Variants in CSMD1 observed in about 807,000 individuals in gnomAD.
CSMD1 encodes the protein CUB and Sushi multiple domains 1.
CSMD1 carries 213 observed loss-of-function variants against 417.5 expected under a neutral mutation model. The ratio of observed to expected loss-of-function variants is 0.51; its 90% CI spans 0.46 to 0.57. CSMD1 has a LOEUF of 0.57. CSMD1 is among the 20% of genes least tolerant of loss of function. CSMD1 has a pLI of 0.00. For synonymous variants in CSMD1, 2,862 were observed against 1,736.8 expected, an observed-to-expected ratio of 1.65 and a Z score of -16.11; for missense variants, 6,923 against 4,529.7, an observed-to-expected ratio of 1.53 and a Z score of -15.17.
chr8:4,162,167 C>T (rs1273336594), intron 3 of CSMD1, among the ~76,000 whole-genome samples: 1 of 152,142 alleles, frequency 6.6e-6, no homozygotes, highest in Non-Finnish European at 1.5e-5. Flanking sequence ...AGTTTCCCTG[C>T]CTGCTTTGCG....
At chr8:3,477,090 A>AC (rs1274496571) in intron 11 of CSMD1, among the ~76,000 whole-genome samples, 1 of 152,234 alleles carries the variant, frequency 6.6e-6, no homozygotes, top group Non-Finnish European at 1.5e-5. Flanking sequence ...CTGTACACAC[A>AC]GAAAGTTCTA....
chr8:3,256,154 C>G (rs1311862809), intron 26 of CSMD1, among the ~76,000 whole-genome samples: 1 of 152,024 alleles, frequency 6.6e-6, no homozygotes, highest in Non-Finnish European at 1.5e-5. Flanking sequence ...ATGGTGAAAC[C>G]TCCTCTGTAC....
intron 5 of CSMD1, among the ~76,000 whole-genome samples, chr8:3,868,073 C>T (rs1421308909): frequency 1.3e-5 from 2 of 152,122 alleles, no homozygotes; most frequent in African/African-American, 2.4e-5. Context: ...ATTGCCATAT[C>T]TCTCATGATG....
intron 3 of CSMD1, among the ~76,000 whole-genome samples, chr8:4,241,743 G>T (rs141073449): frequency 6.8e-6 from 1 of 146,440 alleles, no homozygotes; most frequent in Non-Finnish European, 1.5e-5. Flanking sequence ...TCGCTCTGTC[G>T]CCCAGGCTGG....
intron 1 of CSMD1, among the ~76,000 whole-genome samples, chr8:4,721,340 C>T (rs999063406): frequency 6.6e-6 from 1 of 152,078 alleles, no homozygotes; most frequent in Admixed American, 6.6e-5. Flanking sequence ...AGAACAATCT[C>T]TTTTTATTCT....
At chr8:3,947,171 A>T (rs899870646) in intron 5 of CSMD1, among the ~76,000 whole-genome samples, 15 of 152,196 alleles carry the variant, frequency 9.9e-5, no homozygotes, top group African/African-American at 3.4e-4. Flanking sequence ...ATTTCCATGG[A>T]TGCCCTTTAC....
intron 49 of CSMD1, among the ~76,000 whole-genome samples, chr8:3,064,917 T>A (rs1812819210): frequency 6.6e-6 from 1 of 152,098 alleles, no homozygotes; most frequent in African/African-American, 2.4e-5. Flanking sequence ...TCCCAGGGTA[T>A]AAGCAATGTG....
intron 26 of CSMD1, among the ~76,000 whole-genome samples, chr8:3,282,327 G>A (rs893543035): frequency 6.6e-6 from 1 of 152,054 alleles, no homozygotes; most frequent in Non-Finnish European, 1.5e-5. Flanking sequence ...TGGGAACTCT[G>A]TGCCTTCTAC....
At chr8:3,699,739 G>A (rs1465575439) in intron 7 of CSMD1, among the ~76,000 whole-genome samples, 1 of 152,182 alleles carries the variant, frequency 6.6e-6, no homozygotes, top group Non-Finnish European at 1.5e-5. Flanking sequence ...CTTTATGACA[G>A]CTTCTGGATG....
At chr8:3,539,965 G>C (rs1307756148) in intron 10 of CSMD1, among the ~76,000 whole-genome samples, 1 of 152,250 alleles carries the variant, frequency 6.6e-6, no homozygotes, top group East Asian at 1.9e-4. Context: ...TAGCTAGTTT[G>C]AGAAACAGTC....
intron 2 of CSMD1, among the ~76,000 whole-genome samples, chr8:4,451,825 T>A (rs1023626111): frequency 9.2e-5 from 14 of 152,186 alleles, no homozygotes; most frequent in Non-Finnish European, 1.6e-4. Context: ...CTTACCACAG[T>A]GAGTTTTGTT....
intron 1 of CSMD1, among the ~76,000 whole-genome samples, chr8:4,836,969 G>C (rs112388604): frequency 4.6e-5 from 7 of 152,122 alleles, no homozygotes; most frequent in Non-Finnish European, 1.0e-4. Context: ...CTGTAGAACA[G>C]ATGGCCTTTT....
chr8:4,962,793 A>T (rs367610726), intron 1 of CSMD1, among the ~76,000 whole-genome samples: 127 of 152,038 alleles, frequency 8.4e-4, no homozygotes, highest in Middle Eastern at 3.4e-3. Flanking sequence ...AAAAAATTAC[A>T]CTCCTTAGTA....
intron 4 of CSMD1, among the ~76,000 whole-genome samples, chr8:4,028,368 T>G (rs1462429564): frequency 1.3e-5 from 2 of 152,144 alleles, no homozygotes; most frequent in African/African-American, 4.8e-5. Context: ...GCTAAAGTAG[T>G]GCCTGGCTTA....
chr8:4,401,374 A>G (rs1288376628), intron 3 of CSMD1, among the ~76,000 whole-genome samples: 1 of 152,186 alleles, frequency 6.6e-6, no homozygotes, highest in African/African-American at 2.4e-5. Context: ...TTATTCACCA[A>G]AGAGGTGTAT....
intron 5 of CSMD1, among the ~76,000 whole-genome samples, chr8:3,984,469 G>A (rs916705544): frequency 1.8e-4 from 28 of 151,850 alleles, no homozygotes; most frequent in Middle Eastern, 3.4e-3. Context: ...TTTCTATAAG[G>A]TAAAGCAGCA....
intron 2 of CSMD1, among the ~76,000 whole-genome samples, chr8:4,511,038 C>G (rs1399726855): frequency 6.6e-6 from 1 of 151,996 alleles, no homozygotes; most frequent in South Asian, 2.1e-4. Context: ...TTATTTTTCT[C>G]CCCTCTCTTG....
At chr8:3,266,426 C>G (rs1801437157) in intron 26 of CSMD1, among the ~76,000 whole-genome samples, 1 of 151,248 alleles carries the variant, frequency 6.6e-6, no homozygotes, top group Non-Finnish European at 1.5e-5. Context: ...GCTAACATGG[C>G]AAAACCCCAT....
intron 5 of CSMD1, among the ~76,000 whole-genome samples, chr8:3,984,481 T>C (rs1044237732): frequency 7.2e-5 from 11 of 151,934 alleles, no homozygotes; most frequent in African/African-American, 2.7e-4. Context: ...AAAGCAGCAT[T>C]AAATAATGAC....
Sources: gnomAD v4.1 joint callset for allele counts (sites outside exome capture counted in the v4.1 genomes callset) on GRCh38, gnomAD v4.1.1 for gene constraint, MANE v1.5 for transcripts, NCBI Gene and HGNC (gene_info 2026-07-23, HGNC 2026-07-21) for gene names.